GABBR2: variants seen among roughly 807,000 people sequenced by gnomAD.
GABBR2 encodes the protein gamma-aminobutyric acid type B receptor subunit 2, also known as G-protein coupled receptor 51.
A neutral mutation model predicts 105.6 loss-of-function variants in GABBR2; 23 were observed. That is an observed-to-expected ratio of 0.22 (90% CI 0.16 to 0.31). The LOEUF is 0.31. GABBR2 is among the 10% of genes least tolerant of loss of function. The pLI, the probability that GABBR2 is intolerant of heterozygous loss-of-function variation, is 1.00. For missense variants in GABBR2, 734 were observed against 1,245.5 expected (o/e 0.59, Z 6.18); for synonymous variants, 478 against 499.7 (o/e 0.96, Z 0.58).
intron 1 of GABBR2, among the ~76,000 whole-genome samples, chr9:98,648,116 T>TGTGTATAGATAG: frequency 0.083 from 4,653 of 55,782 alleles, 276 homozygotes; most frequent in Non-Finnish European, 0.11. Flanking sequence ...TGTGTGTGTG[T>TGTGTATAGATAG]ATAGATAGAT....
intron 1 of GABBR2, among the ~76,000 whole-genome samples, chr9:98,672,442 G>A (rs1440526695): frequency 1.3e-5 from 2 of 152,230 alleles, no homozygotes; most frequent in Non-Finnish European, 2.9e-5. Context: ...AAAAGCATAG[G>A]TTTATTCAAA....
chr9:98,481,064 G>T, intron 4 of GABBR2, 67 bp from the exon 5 acceptor site: 2 of 991,054 alleles, frequency 2.0e-6, no homozygotes, highest in Non-Finnish European at 3.3e-6. Context: ...GTTCAAGGCT[G>T]TGGCAGACAA....
chr9:98,314,721 CTCTT>C (rs978007426), intron 13 of GABBR2, among the ~76,000 whole-genome samples: 8 of 152,308 alleles, frequency 5.3e-5, no homozygotes, highest in East Asian at 1.9e-4. Context: ...TCCAAGCTCT[CTCTT>C]TGAGTCTGCA....
intron 9 of GABBR2, among the ~76,000 whole-genome samples, chr9:98,389,385 A>G (rs1467186424): frequency 6.6e-6 from 1 of 152,212 alleles, no homozygotes; most frequent in African/African-American, 2.4e-5. Flanking sequence ...GGGATGAAGA[A>G]CTTGGCTTTG....
chr9:98,444,051 CACTT>C (rs772926024), intron 7 of GABBR2, among the ~76,000 whole-genome samples: 109 of 152,348 alleles, frequency 7.2e-4, no homozygotes, highest in Non-Finnish European at 1.0e-3. Flanking sequence ...CATAAACTCT[CACTT>C]ACTACCTGAA....
chr9:98,346,327 C>A (rs769311573), intron 13 of GABBR2, among the ~76,000 whole-genome samples: 3 of 152,216 alleles, frequency 2.0e-5, no homozygotes, highest in Non-Finnish European at 4.4e-5. Context: ...GTTGTCATTT[C>A]AACAATGTTC....
chr9:98,379,723 T>C (rs966540319), intron 11 of GABBR2, among the ~76,000 whole-genome samples: 1 of 152,240 alleles, frequency 6.6e-6, no homozygotes, highest in African/African-American at 2.4e-5. Context: ...TGACAGGCAC[T>C]AGATGCTTTA....
intron 8 of GABBR2, among the ~76,000 whole-genome samples, chr9:98,396,521 C>T (rs1832294303): frequency 6.6e-6 from 1 of 152,172 alleles, no homozygotes; most frequent in African/African-American, 2.4e-5. Context: ...AGGGTCCTCG[C>T]CATTTAGGGG....
At chr9:98,707,595 C>G (rs1285333379) in intron 1 of GABBR2, 1 of 152,544 alleles carries the variant, frequency 6.6e-6, no homozygotes. Flanking sequence ...TGGCTCCGCT[C>G]CGGACTGCTC....
At chr9:98,420,189 C>G (rs1193151823) in intron 7 of GABBR2, among the ~76,000 whole-genome samples, 2 of 152,140 alleles carry the variant, frequency 1.3e-5, no homozygotes, top group African/African-American at 4.8e-5. Context: ...CAGGGATACC[C>G]TAGCTCCCCC....
rs535928760 is a variant in GABBR2 at position 98,294,981 on chromosome 9, C to T, written c.2543-1079G>A. Reference sequence around the variant, plus strand: ...GAAATATAAAAATCAGGTTCCCACCCGAGATTTGGATTCATGTGGTCTGGA... The same window carrying T: ...GAAATATAAAAATCAGGTTCCCACCTGAGATTTGGATTCATGTGGTCTGGA... On this transcript the variant is annotated intron_variant, in intron 17 of 18. Coordinates refer to ENST00000259455, the MANE Select transcript of GABBR2 (RefSeq NM_005458.8). Among the ~76,000 whole-genome samples the T allele has an allele frequency of 1.3e-4, 20 of 152,272 alleles. No individual in the cohort carries two copies. The South Asian group carries it at 3.9e-3, about 30-fold the overall frequency.
chr9:98,291,825 T>C (rs1345973537), intron 18 of GABBR2, among the ~76,000 whole-genome samples: 3 of 152,202 alleles, frequency 2.0e-5, no homozygotes, highest in Non-Finnish European at 4.4e-5. Context: ...AGTTTAAATA[T>C]CACCTTGTTT....
intron 1 of GABBR2, among the ~76,000 whole-genome samples, chr9:98,703,499 C>T (rs1394817098): frequency 2.6e-5 from 4 of 152,024 alleles, no homozygotes; most frequent in South Asian, 2.1e-4. Flanking sequence ...AATTTTATTT[C>T]GTTTTATTTT....
intron 1 of GABBR2, among the ~76,000 whole-genome samples, chr9:98,583,100 C>A (rs77810756): frequency 6.6e-6 from 1 of 152,330 alleles, no homozygotes; most frequent in East Asian, 1.9e-4. Flanking sequence ...CAGATCAGAG[C>A]TCTTGGCTAA....
chr9:98,361,142 T>C (rs1831574263), intron 13 of GABBR2, among the ~76,000 whole-genome samples: 1 of 152,176 alleles, frequency 6.6e-6, no homozygotes, highest in Non-Finnish European at 1.5e-5. Context: ...TAAGAAAGCC[T>C]GTAAAACTGC....
chr9:98,496,367 G>T, intron 4 of GABBR2, 46 bp downstream of exon 4: 1 of 1,198,198 alleles, frequency 8.3e-7, no homozygotes, highest in Non-Finnish European at 1.2e-6. Flanking sequence ...GGCACCCAGG[G>T]CATTGAGATC....
intron 1 of GABBR2, among the ~76,000 whole-genome samples, chr9:98,666,495 T>A (rs974652392): frequency 2.0e-5 from 3 of 152,190 alleles, no homozygotes; most frequent in African/African-American, 7.2e-5. Flanking sequence ...ATGCACAAAT[T>A]GCCTGTGGGT....
At chr9:98,582,428 G>T (rs941920260) in intron 1 of GABBR2, among the ~76,000 whole-genome samples, 1 of 152,102 alleles carries the variant, frequency 6.6e-6, no homozygotes, top group Admixed American at 6.5e-5. Context: ...CTCCAGATAC[G>T]AACCCAGCCC....
chr9:98,463,348 C>T (rs186819603), intron 6 of GABBR2, among the ~76,000 whole-genome samples: 41 of 152,050 alleles, frequency 2.7e-4, no homozygotes, highest in Non-Finnish European at 5.3e-4. Flanking sequence ...CAGTAAAATC[C>T]CAATAAAAAC....
Sources: allele counts gnomAD v4.1 joint callset (sites outside exome capture counted in the v4.1 genomes callset), GRCh38; gene constraint gnomAD v4.1.1; transcripts MANE v1.5; gene names NCBI Gene and HGNC (gene_info 2026-07-23, HGNC 2026-07-21).